Variants in SLC9A6 observed in about 807,000 individuals in gnomAD.
SLC9A6 encodes sodium/hydrogen exchanger 6.
A neutral mutation model predicts 45.3 loss-of-function variants in SLC9A6; 6 were observed. That is an observed-to-expected ratio of 0.13 (90% CI 0.07 to 0.26). The LOEUF (loss-of-function observed/expected upper bound fraction) is 0.26. Ranked by LOEUF, SLC9A6 falls within the 10% of genes least tolerant of loss-of-function variation. SLC9A6 has a pLI of 1.00. For synonymous variants in SLC9A6, 191 were observed against 187.7 expected, an observed-to-expected ratio of 1.02 and a Z score of -0.14; for missense variants, 278 against 503.7, an observed-to-expected ratio of 0.55 and a Z score of 4.29.
At chrX:135,974,788 TG>T (rs2089252482) in intron 1 of SLC9A6, 1 of 318,712 alleles carries the variant, frequency 3.1e-6, no homozygotes, top group East Asian at 1.0e-4. Flanking sequence ...TTTAAGGTCC[TG>T]GAGAAAGATT....
intron 17 of SLC9A6, 31 bp downstream of exon 17, chrX:136,040,212 T>G (rs370049935): frequency 1.9e-6 from 2 of 1,041,444 alleles, no homozygotes; most frequent in African/African-American, 3.7e-5. Flanking sequence ...ACTAAATTCT[T>G]CAGTAAGTTA....
intron 15 of SLC9A6, among the ~76,000 whole-genome samples, chrX:136,031,267 G>A (rs1161022062): frequency 8.9e-6 from 1 of 112,737 alleles, no homozygotes; most frequent in African/African-American, 3.2e-5. Context: ...CTCGATCACT[G>A]TGTAAGTCTC....
At chrX:136,029,872 A>T in intron 14 of SLC9A6, 2 of 397,210 alleles carry the variant, frequency 5.0e-6, no homozygotes, top group Non-Finnish European at 8.9e-6. Context: ...GAGAAAAAAA[A>T]TGCTGTTTTT....
intron 11 of SLC9A6, among the ~76,000 whole-genome samples, 189 bp from the exon 12 acceptor site, chrX:136,022,397 C>G: frequency 1.8e-5 from 2 of 111,666 alleles, no homozygotes; most frequent in Middle Eastern, 9.2e-3. Context: ...CCAAATTGGA[C>G]AGTTCAGATA....
chrX:135,976,165 T>C (rs1218868277), intron 1 of SLC9A6, among the ~76,000 whole-genome samples: 1 of 111,122 alleles, frequency 9.0e-6, no homozygotes, highest in Non-Finnish European at 1.9e-5. Flanking sequence ...ACTTGATGGA[T>C]GTCAAGTGCA....
intron 13 of SLC9A6, among the ~76,000 whole-genome samples, chrX:136,026,957 G>T (rs1556620635): frequency 9.0e-6 from 1 of 111,626 alleles, no homozygotes; most frequent in Non-Finnish European, 1.9e-5. Context: ...AGTGAGTAGA[G>T]GCCAAGGATG....
intron 16 of SLC9A6, among the ~76,000 whole-genome samples, chrX:136,033,953 C>G (rs2071371548): frequency 9.0e-6 from 1 of 111,246 alleles, no homozygotes; most frequent in Non-Finnish European, 1.9e-5. Context: ...CTTTTTTTTC[C>G]CCTGACCTTT....
At chrX:136,016,025 C>G (rs782182777) in intron 10 of SLC9A6, among the ~76,000 whole-genome samples, 1 of 110,776 alleles carries the variant, frequency 9.0e-6, no homozygotes, top group Non-Finnish European at 1.9e-5. Flanking sequence ...TAGTTCCCCC[C>G]ACAGATAGTT....
chrX:136,026,203 C>T (rs1340271533), intron 13 of SLC9A6, among the ~76,000 whole-genome samples: 1 of 111,426 alleles, frequency 9.0e-6, no homozygotes, highest in Non-Finnish European at 1.9e-5. Context: ...GCTTTTCTTC[C>T]CTCCCCCCAA....
At chrX:135,991,998 A>G (rs1369672122) in intron 2 of SLC9A6, among the ~76,000 whole-genome samples, 1 of 111,722 alleles carries the variant, frequency 9.0e-6, no homozygotes, top group Non-Finnish European at 1.9e-5. Flanking sequence ...TGCACAGTGT[A>G]TATCTCCAGT....
chrX:136,010,625 T>C (rs782580530), intron 8 of SLC9A6, 42 bp downstream of exon 8: 2 of 1,117,191 alleles, frequency 1.8e-6, no homozygotes, highest in East Asian at 3.0e-5. Context: ...TAACATAATA[T>C]AGTAGTTGAA....
At chrX:136,031,259 C>T (rs1556621097) in intron 15 of SLC9A6, among the ~76,000 whole-genome samples, 3 of 112,506 alleles carry the variant, frequency 2.7e-5, no homozygotes, top group African/African-American at 9.7e-5. Flanking sequence ...GACAAATGCT[C>T]GATCACTGTG....
intron 2 of SLC9A6, among the ~76,000 whole-genome samples, chrX:135,993,933 A>T (rs2089466015): frequency 8.9e-6 from 1 of 111,785 alleles, no homozygotes; most frequent in African/African-American, 3.3e-5. Flanking sequence ...GCAGATTTTT[A>T]AAATTAAAAT....
At chrX:135,974,827 G>T (rs1006375541) in intron 1 of SLC9A6, 2 of 297,643 alleles carry the variant, frequency 6.7e-6, no homozygotes, top group East Asian at 1.0e-4. Context: ...AGCGCGGGGG[G>T]AGTGTTTTGT....
intron 7 of SLC9A6, among the ~76,000 whole-genome samples, chrX:136,008,243 T>C (rs2070855571): frequency 9.0e-6 from 1 of 111,468 alleles, no homozygotes; most frequent in African/African-American, 3.3e-5. Context: ...TATGAATTTT[T>C]TTTTTTCTTG....
chrX:136,004,272 A>G (rs886522395), intron 7 of SLC9A6, among the ~76,000 whole-genome samples: 7 of 107,909 alleles, frequency 6.5e-5, no homozygotes, highest in African/African-American at 2.4e-4. Flanking sequence ...TATATTTAGT[A>G]AAGACGGGGT....
chrX:136,044,847 G>A lies in SLC9A6; in HGVS notation c.*123G>A. The A allele has an allele frequency of 1.0e-5, 6 of 595,358 alleles. No homozygotes were observed. The highest frequency in any genetic ancestry group is 1.6e-5 in the Non-Finnish European group (6 of 363,892). The allele number at this position is 595,358 out of a possible 1,213,427, so 49.1% of individuals were successfully genotyped here. On this transcript the variant is annotated 3_prime_UTR_variant, in exon 18 of 18. Coordinates refer to ENST00000630721, the MANE Select transcript of SLC9A6 (RefSeq NM_001379110.1). ...TAAGCTATATAAATGCTATTTATAT[G>A]GCATAGAAAGAATATAAATATCCTG...
intron 8 of SLC9A6, 67 bp downstream of exon 8, chrX:136,010,650 G>T (rs2070903360): frequency 1.0e-6 from 1 of 970,687 alleles, no homozygotes; most frequent in Non-Finnish European, 1.5e-6. Flanking sequence ...GTATTCCGTT[G>T]TTTTTCCTAG....
intron 3 of SLC9A6, 90 bp downstream of exon 3, chrX:135,995,075 A>G: frequency 1.8e-6 from 1 of 569,009 alleles, no homozygotes. Context: ...ATTTTTAATG[A>G]TATTTAAAAT....
Sources: allele counts gnomAD v4.1 joint callset (sites outside exome capture counted in the v4.1 genomes callset), GRCh38; gene constraint gnomAD v4.1.1; transcripts MANE v1.5; gene names NCBI Gene and HGNC (gene_info 2026-07-23, HGNC 2026-07-21).